TRAP1: variants seen among roughly 807,000 people sequenced by gnomAD.
TRAP1 encodes the protein TNF receptor associated protein 1.
A neutral mutation model predicts 89.1 loss-of-function variants in TRAP1; 102 were observed. The ratio of observed to expected loss-of-function variants is 1.15; its 90% CI spans 0.98 to 1.35. The LOEUF is 1.35. Ranked by LOEUF, TRAP1 falls within the 40% of genes most tolerant of loss-of-function variation. TRAP1 has a pLI of 0.00. For missense variants in TRAP1, 1,256 were observed against 945.3 expected (o/e 1.33, Z -4.31); for synonymous variants, 508 against 388.0 (o/e 1.31, Z -3.64).
chr16:3,671,147 C>T (rs1319114003), intron 11 of TRAP1, among the ~76,000 whole-genome samples: 1 of 152,124 alleles, frequency 6.6e-6, no homozygotes, highest in Non-Finnish European at 1.5e-5. Context: ...CCAGCTGAAT[C>T]CTCACCCCAC....
chr16:3,658,330 A>G (rs2042844615), intron 17 of TRAP1, 100 bp from the exon 18 acceptor site: 1 of 959,090 alleles, frequency 1.0e-6, no homozygotes, highest in South Asian at 1.5e-5. Flanking sequence ...GCTGGAGTGC[A>G]GAGGCACGAT....
chr16:3,716,447 T>C (rs1265859605), intron 1 of TRAP1, among the ~76,000 whole-genome samples: 2 of 152,224 alleles, frequency 1.3e-5, no homozygotes, highest in African/African-American at 4.8e-5. Context: ...ATAACCTTTA[T>C]TGCGTCCACT....
intron 1 of TRAP1, among the ~76,000 whole-genome samples, chr16:3,705,242 T>C (rs1373314628): frequency 1.3e-5 from 2 of 150,016 alleles, no homozygotes; most frequent in African/African-American, 4.9e-5. Flanking sequence ...TTTTTTGTAT[T>C]TTTTTTTTAG....
intron 1 of TRAP1, among the ~76,000 whole-genome samples, chr16:3,712,563 C>T (rs548519464): frequency 4.0e-4 from 61 of 152,116 alleles, no homozygotes; most frequent in Non-Finnish European, 7.2e-4. Flanking sequence ...AGGCCAACTA[C>T]TCACCCAGTA....
chr16:3,673,668 C>T (rs1473214690), intron 9 of TRAP1, among the ~76,000 whole-genome samples: 1 of 152,232 alleles, frequency 6.6e-6, no homozygotes, highest in African/African-American at 2.4e-5. Context: ...ACCTGGCTGG[C>T]TCTTTCCAAG....
At chr16:3,685,902 G>T in intron 4 of TRAP1, 94 bp downstream of exon 4, 1 of 1,439,906 alleles carries the variant, frequency 6.9e-7, no homozygotes. Flanking sequence ...CGGACGGCCA[G>T]TACGTCCCTG....
intron 9 of TRAP1, 62 bp from the exon 10 acceptor site, chr16:3,672,882 G>C (rs993312502): frequency 6.4e-7 from 1 of 1,556,664 alleles, no homozygotes; most frequent in African/African-American, 1.4e-5. Flanking sequence ...GCCCTGGCTG[G>C]GAGGTGGGGG....
At chr16:3,676,215 C>T (rs548220208) in intron 6 of TRAP1, 70 bp from the exon 7 acceptor site, 25 of 1,391,878 alleles carry the variant, frequency 1.8e-5, no homozygotes, top group Admixed American at 1.3e-4. Flanking sequence ...GGGACTCCAG[C>T]GGTTCCCGAG....
chr16:3,669,903 G>T (rs1441826823), intron 11 of TRAP1, among the ~76,000 whole-genome samples: 3 of 149,394 alleles, frequency 2.0e-5, no homozygotes, highest in African/African-American at 7.4e-5. Context: ...TGTCATAACT[G>T]CAGAAACACT....
intron 1 of TRAP1, among the ~76,000 whole-genome samples, chr16:3,703,598 G>T (rs937525291): frequency 1.3e-5 from 2 of 152,012 alleles, no homozygotes; most frequent in African/African-American, 4.8e-5. Context: ...GCCACCAGGA[G>T]GGGTGTTGTC....
chr16:3,679,909 G>A (rs2051052749), intron 4 of TRAP1, 119 bp from the exon 5 acceptor site: 3 of 864,678 alleles, frequency 3.5e-6, no homozygotes, highest in South Asian at 1.4e-5. Context: ...GGCCCAGCCA[G>A]GTAGCACCAG....
At chr16:3,672,114 G>T (rs1227423353) in intron 10 of TRAP1, among the ~76,000 whole-genome samples, 1 of 152,138 alleles carries the variant, frequency 6.6e-6, no homozygotes, top group Non-Finnish European at 1.5e-5. Flanking sequence ...GAGGTGGGCG[G>T]ATCATGAGGT....
At chr16:3,663,204 G>C (rs558680165) in intron 14 of TRAP1, 1 of 691,498 alleles carries the variant, frequency 1.4e-6, no homozygotes, top group South Asian at 2.0e-5. Context: ...AGCTGGGCCA[G>C]CTCCAGAAGC....
rs1012673022 is a variant in TRAP1 at position 3,663,734 on chromosome 16, G to C, written c.1570-172C>G. The C allele has an allele frequency of 8.0e-6, 6 of 751,790 alleles. No homozygotes were observed. The Admixed American group carries it at 1.2e-4, about 14-fold the overall frequency. The allele number at this position is 751,790 out of a possible 1,614,324, so 46.6% of individuals were successfully genotyped here. On this transcript the variant is annotated intron_variant, in intron 13 of 17. Transcript: ENST00000246957. ...CAGTTACTACGACACCTGGGTCTAA[G>C]GAAGGCTCTGACTGCCTTCAAGGCA...
rs1210983621 is a variant in TRAP1 at position 3,699,666 on chromosome 16, T to C, written c.89-8681A>G. On this transcript the variant is annotated intron_variant, in intron 1 of 17. Coordinates refer to ENST00000246957, the MANE Select transcript of TRAP1 (RefSeq NM_016292.3). Reference sequence around the variant, plus strand: ...AAAAAAAAAAAGATTTATTCATGTATTTACTATTTCTTTCTTTCTTAGAAA... The same window carrying C: ...AAAAAAAAAAAGATTTATTCATGTACTTACTATTTCTTTCTTTCTTAGAAA... 2.0e-5 allele frequency among the ~76,000 whole-genome samples: 3 copies of C among 151,502 alleles called. No homozygotes were observed. The East Asian group carries it at 5.8e-4, about 29-fold the overall frequency.
At chr16:3,672,590 G>A in intron 10 of TRAP1, 110 bp downstream of exon 10, 3 of 1,440,808 alleles carry the variant, frequency 2.1e-6, no homozygotes, top group Non-Finnish European at 1.8e-6. Flanking sequence ...GCCGACGGCG[G>A]TGCTCTCGCT....
chr16:3,706,013 T>C (rs1007945799), intron 1 of TRAP1, among the ~76,000 whole-genome samples: 1 of 151,308 alleles, frequency 6.6e-6, no homozygotes, highest in African/African-American at 2.4e-5. Context: ...TTTTTTTTTT[T>C]TGAGACGGAG....
At chr16:3,698,228 T>C (rs769229218) in intron 1 of TRAP1, among the ~76,000 whole-genome samples, 2 of 152,134 alleles carry the variant, frequency 1.3e-5, no homozygotes, top group Non-Finnish European at 2.9e-5. Flanking sequence ...TTGCAAGACT[T>C]AGTATCATAA....
chr16:3,669,346 G>A (rs923060157), intron 11 of TRAP1, among the ~76,000 whole-genome samples: 1 of 152,230 alleles, frequency 6.6e-6, no homozygotes, highest in African/African-American at 2.4e-5. Flanking sequence ...CTGTGGTCAT[G>A]TCGGCAGCAA....
Sources: gnomAD v4.1 joint callset for allele counts (sites outside exome capture counted in the v4.1 genomes callset) on GRCh38, gnomAD v4.1.1 for gene constraint, MANE v1.5 for transcripts, NCBI Gene and HGNC (gene_info 2026-07-23, HGNC 2026-07-21) for gene names.